SCAMP4: variants seen among roughly 807,000 people sequenced by gnomAD.
SCAMP4 encodes the protein secretory carrier-associated membrane protein 4.
A neutral mutation model predicts 32.1 loss-of-function variants in SCAMP4; 19 were observed. The ratio of observed to expected loss-of-function variants is 0.59; its 90% CI spans 0.41 to 0.87. SCAMP4 has a LOEUF of 0.87. Ranked by LOEUF, SCAMP4 falls within the 40% of genes least tolerant of loss-of-function variation. The pLI, the probability that SCAMP4 is intolerant of heterozygous loss-of-function variation, is 0.00. For synonymous variants in SCAMP4, 152 were observed against 132.7 expected (o/e 1.15, Z -1.00); for missense variants, 302 against 309.0 (o/e 0.98, Z 0.17).
At chr19:1,917,027 C>T (rs945472086) in intron 2 of SCAMP4, among the ~76,000 whole-genome samples, 3 of 152,202 alleles carry the variant, frequency 2.0e-5, no homozygotes, top group Non-Finnish European at 2.9e-5. Flanking sequence ...CGGCCGGGCG[C>T]GGTGGCTCAC....
intron 1 of SCAMP4, chr19:1,912,471 G>T (rs774600353): frequency 6.7e-7 from 1 of 1,501,996 alleles, no homozygotes; most frequent in Admixed American, 2.1e-5. Flanking sequence ...ACCCTTCCTG[G>T]TGCCCGTGCC....
intron 2 of SCAMP4, among the ~76,000 whole-genome samples, chr19:1,917,309 AAAAG>A (rs58235327): frequency 0.016 from 2,468 of 152,322 alleles, 65 homozygotes; most frequent in African/African-American, 0.057. Context: ...CCGTCTCAAA[AAAAG>A]AGTCATAAAC....
intron 1 of SCAMP4, among the ~76,000 whole-genome samples, chr19:1,913,822 T>G (rs887910969): frequency 3.3e-5 from 5 of 152,196 alleles, no homozygotes; most frequent in African/African-American, 1.2e-4. Context: ...GCAGGACCTG[T>G]GGGTCCACCC....
chr19:1,909,236 T>C (rs953908989), intron 1 of SCAMP4, among the ~76,000 whole-genome samples: 1 of 151,920 alleles, frequency 6.6e-6, no homozygotes, highest in Non-Finnish European at 1.5e-5. Flanking sequence ...TTGGGGGTGT[T>C]CAGGTGGGGT....
In SCAMP4 at chr19:1,913,225, T is replaced by C. The variant is rs866939775; in HGVS notation, c.-41-1754T>C. The stretch of plus-strand genomic sequence containing the variant: ...CCCCTCCTGGACTTCCGGGCCTCGA[T>C]TTCTTCCGCACAAGCCTGACCGTGG... On this transcript the variant is annotated intron_variant, in intron 1 of 6. Coordinates refer to ENST00000316097, the MANE Select transcript of SCAMP4 (RefSeq NM_079834.4). The C allele has an allele frequency of 3.4e-5, 49 of 1,454,504 alleles. No individual in the cohort carries two copies. In the South Asian group the frequency reaches 6.1e-4, roughly 18 times the overall value. 90.1% of individuals were successfully genotyped at this position (1,454,504 alleles called of 1,614,324 possible).
In SCAMP4 at chr19:1,924,428, C is replaced by T. The variant is rs372413412; in HGVS notation, c.*144C>T. 19 of 676,600 alleles carry T rather than the reference C, an allele frequency of 2.8e-5. No individual in the cohort carries two copies. In the Admixed American group the frequency reaches 3.9e-4, roughly 14 times the overall value. The allele number at this position is 676,600 out of a possible 1,614,324, so 41.9% of individuals were successfully genotyped here. On this transcript the variant is annotated 3_prime_UTR_variant, in exon 7 of 7. Coordinates refer to ENST00000316097, the MANE Select transcript of SCAMP4 (RefSeq NM_079834.4). ...CCGGTGGTGGCCACGGACCGCCCCC[C>T]TCCTGCCAGGGCCACAGAACCCGTG...
In SCAMP4 at chr19:1,918,571, G is replaced by A. The variant is rs1384549643; in HGVS notation, c.293+288G>A. The A allele has an allele frequency of 3.6e-5, 18 of 503,862 alleles. No homozygotes were observed. In the Admixed American group the frequency reaches 3.8e-4, roughly 11 times the overall value. The allele number at this position is 503,862 out of a possible 1,614,324, so 31.2% of individuals were successfully genotyped here. On this transcript the variant is annotated intron_variant, in intron 4 of 6. Coordinates refer to ENST00000316097, the MANE Select transcript of SCAMP4 (RefSeq NM_079834.4). ...GAGGTCAGGAGTTCAAGACCAGCCT[G>A]GCCAACATGGTGAAACGCTGTCTCT...
Position 1,908,392 on chromosome 19 carries a change from C to G in SCAMP4, c.-42+2953C>G. On this transcript the variant is annotated intron_variant, in intron 1 of 6. Transcript: ENST00000316097. This position sits in a 1 kb window ranked among gnomAD's most constrained non-coding sequence, Gnocchi z 4.2. ...TGCTGGTCCCCCATCTGTGGGGCGC[C>G]CCGGCGGCTGAGGCGTGGACCAGGC... 1 of 417,266 alleles carries G rather than the reference C, an allele frequency of 2.4e-6. No homozygotes were observed. The highest frequency in any genetic ancestry group is 5.0e-6 in the Non-Finnish European group (1 of 199,928). 25.8% of individuals were successfully genotyped at this position (417,266 alleles called of 1,614,324 possible). A position where few individuals can be genotyped will look rare whatever the true frequency, so the allele number is the denominator to read the frequency against.
At chr19:1,922,817 C>A (rs143494179) in intron 5 of SCAMP4, 127 of 1,186,724 alleles carry the variant, frequency 1.1e-4, no homozygotes, top group Non-Finnish European at 1.3e-4. Context: ...GTTGTGTTCA[C>A]GCGTCGAAGT....
At chr19:1,913,220 C>T (rs1318055324) in intron 1 of SCAMP4, 9 of 1,455,570 alleles carry the variant, frequency 6.2e-6, no homozygotes, top group Non-Finnish European at 8.2e-6. Context: ...ACTTCCGGGC[C>T]TCGATTTCTT....
At chr19:1,921,559 C>T (rs2013920934) in intron 5 of SCAMP4, 2 of 985,484 alleles carry the variant, frequency 2.0e-6, no homozygotes, top group South Asian at 4.7e-5. Flanking sequence ...AGACCTGACA[C>T]TTGCATGCGG....
intron 5 of SCAMP4, chr19:1,920,266 G>T (rs1454670085): frequency 2.0e-6 from 2 of 985,336 alleles, no homozygotes; most frequent in South Asian, 4.7e-5. Context: ...GGAGCCGTGG[G>T]TGCCTTTGGT....
At chr19:1,918,823 CCT>C in intron 4 of SCAMP4, 64 bp from the exon 5 acceptor site, 1 of 1,553,286 alleles carries the variant, frequency 6.4e-7, no homozygotes, top group Non-Finnish European at 8.7e-7. Flanking sequence ...CTGGCCCGTT[CCT>C]CTCTAGGCGC....
intron 5 of SCAMP4, chr19:1,921,711 C>T: frequency 2.0e-6 from 2 of 985,238 alleles, no homozygotes; most frequent in Middle Eastern, 5.2e-4. Flanking sequence ...GGCATGGTGG[C>T]TGACGCCTGT....
chr19:1,906,762 A>T (rs2013136417), intron 1 of SCAMP4: 2 of 151,838 alleles, frequency 1.3e-5, no homozygotes, highest in Non-Finnish European at 2.9e-5. Context: ...GAGGCAGGAA[A>T]ATGGTGTGAA....
At chr19:1,914,674 G>A (rs529491806) in intron 1 of SCAMP4, 74 of 449,250 alleles carry the variant, frequency 1.6e-4, no homozygotes, top group East Asian at 1.2e-3. Context: ...GGCTGAAGCC[G>A]GGATTTGGGG....
At chr19:1,922,959 C>T (rs2013966541) in intron 5 of SCAMP4, 111 bp from the exon 6 acceptor site, 1 of 1,387,096 alleles carries the variant, frequency 7.2e-7, no homozygotes, top group Non-Finnish European at 9.3e-7. Flanking sequence ...ATGAGCTGTC[C>T]ACTCCTTGTT....
intron 5 of SCAMP4, chr19:1,919,217 G>A (rs2013839420): frequency 2.2e-6 from 3 of 1,391,702 alleles, no homozygotes; most frequent in Non-Finnish European, 2.8e-6. Flanking sequence ...CCTAGGGAGG[G>A]GTCCGAGCTC....
chr19:1,909,938 C>T (rs902723815), intron 1 of SCAMP4, among the ~76,000 whole-genome samples: 1 of 152,236 alleles, frequency 6.6e-6, no homozygotes, highest in Non-Finnish European at 1.5e-5. Flanking sequence ...CTTTTCCTAG[C>T]CCTTGGCCGA....
Sources: gnomAD v4.1 joint callset for allele counts (sites outside exome capture counted in the v4.1 genomes callset) on GRCh38, gnomAD v4.1.1 for gene constraint, Gnocchi (gnomAD v3.1) non-coding constraint, MANE v1.5 for transcripts, NCBI Gene and HGNC (gene_info 2026-07-23, HGNC 2026-07-21) for gene names.